PKD1L1: variants seen among roughly 807,000 people sequenced by gnomAD.
The protein encoded by PKD1L1 is polycystin 1 like 1, transient receptor potential channel interacting, also known as polycystin-1-like protein 1.
PKD1L1 carries 236 observed loss-of-function variants against 323.4 expected under a neutral mutation model. That is an observed-to-expected ratio of 0.73 (90% confidence interval 0.66 to 0.81). PKD1L1 has a LOEUF of 0.81. PKD1L1 is among the 40% of genes least tolerant of loss of function. The pLI, the probability that PKD1L1 is intolerant of heterozygous loss-of-function variation, is 0.00. For synonymous variants in PKD1L1, 1,344 were observed against 1,335.0 expected, an observed-to-expected ratio of 1.01 and a Z score of -0.15; for missense variants, 3,320 against 3,508.0, an observed-to-expected ratio of 0.95 and a Z score of 1.35.
chr7:47,832,517 T>C (rs1249329019), intron 41 of PKD1L1, among the ~76,000 whole-genome samples: 1 of 152,232 alleles, frequency 6.6e-6, no homozygotes, highest in Non-Finnish European at 1.5e-5. Flanking sequence ...AACAAGCACC[T>C]GAATCCAGCA....
At chr7:47,867,283 A>G (rs934516125) in intron 24 of PKD1L1, among the ~76,000 whole-genome samples, 12 of 152,222 alleles carry the variant, frequency 7.9e-5, no homozygotes, top group Admixed American at 3.3e-4. Flanking sequence ...CCCTTGACCA[A>G]TAAGTGATTT....
intron 56 of PKD1L1, among the ~76,000 whole-genome samples, chr7:47,783,723 G>A (rs1418099293): frequency 2.6e-5 from 4 of 152,188 alleles, no homozygotes; most frequent in African/African-American, 4.8e-5. Context: ...TCCTTCACCA[G>A]GGCCTTCAGA....
At chr7:47,788,464 GC>G (rs1786861522) in intron 56 of PKD1L1, among the ~76,000 whole-genome samples, 1 of 149,656 alleles carries the variant, frequency 6.7e-6, no homozygotes, top group African/African-American at 2.4e-5. Flanking sequence ...ATTTTTGTTG[GC>G]CAGGCTGGTC....
intron 26 of PKD1L1, among the ~76,000 whole-genome samples, chr7:47,859,554 C>T (rs1487835651): frequency 3.9e-5 from 6 of 151,912 alleles, no homozygotes; most frequent in African/African-American, 1.5e-4. Flanking sequence ...GCATAGCTCC[C>T]TGCAGACTTG....
chr7:47,803,291 G>C lies in PKD1L1; in HGVS notation c.7881C>G (p.Val2627=). 1 of 1,614,146 alleles carries C rather than the reference G, an allele frequency of 6.2e-7. No homozygotes were observed. Among genetic ancestry groups the C allele is most frequent in the East Asian group, 2.2e-5 (1 of 44,872 alleles). ...TTGTGTTTTGAATGCCAGGAAGATA[G>C]ACGCATTTTAATGTGAAGAGGAATA... ...ILLFLFTLKC[V]YLPGIQNTMA... Residue 2627 remains valine (V), a synonymous_variant, in exon 53 of 57, where the codon GTC becomes GTG. Transcript: ENST00000289672.
At chr7:47,914,590 T>C (rs1211741930) in intron 8 of PKD1L1, among the ~76,000 whole-genome samples, 2 of 152,180 alleles carry the variant, frequency 1.3e-5, no homozygotes, top group African/African-American at 2.4e-5. Flanking sequence ...AACAGGGTTA[T>C]GTTTTCCTAC....
intron 52 of PKD1L1, 34 bp from the exon 53 acceptor site, chr7:47,803,378 T>C (rs777278364): frequency 4.3e-6 from 7 of 1,610,522 alleles, no homozygotes; most frequent in South Asian, 1.1e-5. Flanking sequence ...CAGTGTGCCA[T>C]GCCAGTCACT....
At chr7:47,929,931 T>C (rs1229669492) in intron 6 of PKD1L1, among the ~76,000 whole-genome samples, 1 of 152,256 alleles carries the variant, frequency 6.6e-6, no homozygotes, top group Admixed American at 6.5e-5. Context: ...CCTGTGTTTT[T>C]GCGAAAAGCT....
Position 47,775,179 on chromosome 7 carries a change from A to G in PKD1L1, c.8527-13T>C. On this transcript the variant is annotated splice_polypyrimidine_tract_variant and intron_variant, in intron 56 of 56. Coordinates refer to ENST00000289672, the MANE Select transcript of PKD1L1 (RefSeq NM_138295.5). ...TGATGTCTGCTGGCTAAAAAGAAAA[A>G]ATGAAAAACATACTGAAACAACACC... is the stretch of plus-strand genomic sequence containing the variant. The G allele has an allele frequency of 6.2e-7, 1 of 1,614,034 alleles. No homozygotes were observed. The highest frequency in any genetic ancestry group is 8.5e-7 in the Non-Finnish European group (1 of 1,179,942).
intron 7 of PKD1L1, among the ~76,000 whole-genome samples, chr7:47,918,517 A>T (rs1471162261): frequency 6.6e-6 from 1 of 152,260 alleles, no homozygotes; most frequent in East Asian, 1.9e-4. Flanking sequence ...GAACAAATGG[A>T]CTTAACAGAT....
chr7:47,926,591 C>T (rs1173506566), intron 7 of PKD1L1, among the ~76,000 whole-genome samples: 1 of 152,108 alleles, frequency 6.6e-6, no homozygotes, highest in Admixed American at 6.5e-5. Flanking sequence ...TTCTTTTCAT[C>T]AACACATGAT....
At chr7:47,790,462 C>T (rs1306106968) in intron 56 of PKD1L1, among the ~76,000 whole-genome samples, 2 of 151,846 alleles carry the variant, frequency 1.3e-5, no homozygotes, top group African/African-American at 4.8e-5. Flanking sequence ...TCCCGAGTAG[C>T]TGGGACTACA....
intron 52 of PKD1L1, among the ~76,000 whole-genome samples, chr7:47,804,414 G>A (rs1784731281): frequency 6.6e-6 from 1 of 151,252 alleles, no homozygotes. Context: ...ATAAAAAATA[G>A]CATCATGTCA....
At chr7:47,920,248 C>A (rs1787507287) in intron 7 of PKD1L1, among the ~76,000 whole-genome samples, 1 of 149,432 alleles carries the variant, frequency 6.7e-6, no homozygotes, top group African/African-American at 2.5e-5. Flanking sequence ...ATCAAGAACT[C>A]AACCCCTTTT....
At chr7:47,888,831 G>A (rs1025927396) in intron 16 of PKD1L1, among the ~76,000 whole-genome samples, 2 of 151,922 alleles carry the variant, frequency 1.3e-5, no homozygotes, top group African/African-American at 2.4e-5. Context: ...GCACTTTTAT[G>A]GTTTTTCATA....
intron 17 of PKD1L1, among the ~76,000 whole-genome samples, chr7:47,887,160 A>T (rs1786703187): frequency 6.6e-6 from 1 of 152,158 alleles, no homozygotes. Flanking sequence ...GGGCACAATC[A>T]CCCTCTATGT....
At chr7:47,951,415 T>C (rs1788202781), upstream of PKD1L1, among the ~76,000 whole-genome samples, 1 of 152,224 alleles carries the variant, frequency 6.6e-6, no homozygotes, top group East Asian at 1.9e-4. Context: ...GATTTAATAC[T>C]TAGTTTCTAA....
rs1788097858 is a variant in PKD1L1, at chr7:47,946,443, A to G, written c.44+1954T>C. Among the ~76,000 whole-genome samples the G allele has an allele frequency of 6.6e-6, 1 of 150,642 alleles. No individual in the cohort carries two copies. Among genetic ancestry groups the G allele is most frequent in the African/African-American group, 2.4e-5 (1 of 40,940 alleles). Reference sequence around the variant, plus strand: ...CACACACAATATACACACACCACACAGCACATACCCACCCACCACACACAC... The same window carrying G: ...CACACACAATATACACACACCACACGGCACATACCCACCCACCACACACAC... On this transcript the variant is annotated intron_variant, in intron 1 of 56. Transcript: ENST00000289672. This position sits in a 1 kb window ranked among gnomAD's most constrained non-coding sequence, Gnocchi z 4.1.
intron 31 of PKD1L1, among the ~76,000 whole-genome samples, chr7:47,851,754 T>A (rs996234753): frequency 5.9e-5 from 9 of 151,972 alleles, no homozygotes; most frequent in Non-Finnish European, 1.3e-4. Context: ...CTGAATTTAA[T>A]CATGAGGAAA....
Sources: allele counts gnomAD v4.1 joint callset (sites outside exome capture counted in the v4.1 genomes callset), GRCh38; gene constraint gnomAD v4.1.1; non-coding constraint Gnocchi (gnomAD v3.1); transcripts MANE v1.5; gene names NCBI Gene and HGNC (gene_info 2026-07-23, HGNC 2026-07-21).